The following RCAN2 variants were observed in gnomAD, a reference collection of about 807,000 sequenced individuals.
RCAN2 encodes the protein regulator of calcineurin 2.
A neutral mutation model predicts 23.6 loss-of-function variants in RCAN2; 9 were observed. The ratio of observed to expected loss-of-function variants is 0.38; its 90% CI spans 0.23 to 0.67. The LOEUF is 0.67. Among genes scored for constraint, RCAN2 ranks in the 30% least tolerant of loss-of-function variants. The pLI is 0.51. For missense variants in RCAN2, 273 were observed against 302.3 expected, an observed-to-expected ratio of 0.90 and a Z score of 0.72; for synonymous variants, 109 against 115.7, an observed-to-expected ratio of 0.94 and a Z score of 0.37.
rs933460498 is a variant in RCAN2 at position 46,254,596 on chromosome 6, T to C, written c.226-5700A>G. Among the ~76,000 whole-genome samples, 3 of 152,110 alleles carry C rather than the reference T, an allele frequency of 2.0e-5. No homozygotes were observed. The South Asian group carries it at 6.2e-4, about 32-fold the overall frequency. ...AAACCAGGGAGCTGGGCTAACTATGTGGGCAGTCACGGTCACAAGCAGATT... is the reference window on the plus strand; with the variant it reads ...AAACCAGGGAGCTGGGCTAACTATGCGGGCAGTCACGGTCACAAGCAGATT... On this transcript the variant is annotated intron_variant, in intron 2 of 4. Transcript: ENST00000371374.
chr6:46,434,710 C>T (rs926981635), intron 2 of RCAN2, among the ~76,000 whole-genome samples: 1 of 152,204 alleles, frequency 6.6e-6, no homozygotes. Flanking sequence ...CAACTCCTCT[C>T]ATCTGTAGTT....
At chr6:46,314,359 C>CAAAA (rs537111154) in intron 2 of RCAN2, among the ~76,000 whole-genome samples, 9 of 92,176 alleles carry the variant, frequency 9.8e-5, no homozygotes, top group African/African-American at 1.9e-4. Context: ...GAGACTCTGT[C>CAAAA]AAAAAAAAAA....
chr6:46,429,823 G>A (rs1163758503), intron 2 of RCAN2, among the ~76,000 whole-genome samples: 1 of 152,194 alleles, frequency 6.6e-6, no homozygotes, highest in African/African-American at 2.4e-5. Context: ...GTATCCCAGA[G>A]GAACTAACGA....
rs530090795 is a variant in RCAN2 at position 46,296,988 on chromosome 6, C to T, written c.226-48092G>A. 5.9e-5 allele frequency among the ~76,000 whole-genome samples: 9 copies of T among 152,238 alleles called. No homozygotes were observed. The East Asian group carries it at 1.2e-3, about 20-fold the overall frequency. On this transcript the variant is annotated intron_variant, in intron 2 of 4. Transcript: ENST00000371374. Reference sequence around the variant, plus strand: ...CCCAGACACATCCACCAAAAATACTCGAAATTACTTCTTCATTTTCTTTCC... The same window carrying T: ...CCCAGACACATCCACCAAAAATACTTGAAATTACTTCTTCATTTTCTTTCC...
At chr6:46,335,762 A>G (rs962970674) in intron 2 of RCAN2, among the ~76,000 whole-genome samples, 1 of 152,204 alleles carries the variant, frequency 6.6e-6, no homozygotes, top group Admixed American at 6.5e-5. Flanking sequence ...CCTGCTTAGA[A>G]AATCTGCATT....
chr6:46,356,169 C>T (rs910368987), intron 2 of RCAN2, among the ~76,000 whole-genome samples: 8 of 152,158 alleles, frequency 5.3e-5, no homozygotes, highest in East Asian at 3.9e-4. Context: ...AGAAGTGGAA[C>T]GCCTGGAAAA....
chr6:46,364,723 A>AGCAAAGGGT (rs1177974711), intron 2 of RCAN2, among the ~76,000 whole-genome samples: 1 of 152,204 alleles, frequency 6.6e-6, no homozygotes, highest in South Asian at 2.1e-4. Context: ...CTGGTACCCC[A>AGCAAAGGGT]GCAAAGGGTG....
intron 2 of RCAN2, among the ~76,000 whole-genome samples, chr6:46,259,520 C>T (rs545521230): frequency 2.6e-4 from 39 of 152,238 alleles, no homozygotes; most frequent in African/African-American, 7.7e-4. Flanking sequence ...AAAACCAAAA[C>T]ATTGGTTTTT....
intron 2 of RCAN2, among the ~76,000 whole-genome samples, chr6:46,268,864 G>T (rs1767431178): frequency 6.6e-6 from 1 of 152,140 alleles, no homozygotes; most frequent in Non-Finnish European, 1.5e-5. Flanking sequence ...TGGAAGGCAG[G>T]GGTCAGCAAA....
intron 1 of RCAN2, among the ~76,000 whole-genome samples, chr6:46,479,208 A>C (rs1197214242): frequency 6.6e-6 from 1 of 152,232 alleles, no homozygotes; most frequent in Admixed American, 6.5e-5. Flanking sequence ...TTGTAGAAAA[A>C]TTCAGTATGC....
At position 46,381,495 on chromosome 6, in the gene RCAN2, G is replaced by C. The variant is rs1377108105; in HGVS notation, c.225+75257C>G. Among the ~76,000 whole-genome samples the C allele has an allele frequency of 1.1e-4, 17 of 152,176 alleles. 1 individual carries two copies. Among genetic ancestry groups the C allele is most frequent in the Admixed American group, 1.1e-3 (17 of 15,278 alleles). On this transcript the variant is annotated intron_variant, in intron 2 of 4. Coordinates refer to ENST00000371374, the MANE Select transcript of RCAN2 (RefSeq NM_001251974.2). ...AGATGAGCTATATCGCCTTTTACAA[G>C]CCCAGGTAGGGAAGAGAAATATAAG...
chr6:46,385,543 TAACTC>T (rs1765718270), intron 2 of RCAN2, among the ~76,000 whole-genome samples: 1 of 151,994 alleles, frequency 6.6e-6, no homozygotes, highest in Admixed American at 6.6e-5. Flanking sequence ...ATACAAAAAT[TAACTC>T]AAGATGGATT....
chr6:46,399,235 T>G (rs1766178183), intron 2 of RCAN2, among the ~76,000 whole-genome samples: 2 of 152,074 alleles, frequency 1.3e-5, no homozygotes, highest in Non-Finnish European at 2.9e-5. Flanking sequence ...CCAAGATCGC[T>G]GATCTTTCTC....
intron 2 of RCAN2, among the ~76,000 whole-genome samples, chr6:46,444,238 G>A (rs1054629080): frequency 6.6e-6 from 1 of 152,126 alleles, no homozygotes; most frequent in Non-Finnish European, 1.5e-5. Context: ...CTGCTTTGTG[G>A]GCTAGGAGGC....
intron 2 of RCAN2, among the ~76,000 whole-genome samples, chr6:46,327,647 T>C (rs1368596801): frequency 2.6e-5 from 4 of 152,222 alleles, no homozygotes; most frequent in Middle Eastern, 3.2e-3. Context: ...AACAAAGAAA[T>C]GAATATTTTT....
intron 2 of RCAN2, among the ~76,000 whole-genome samples, chr6:46,249,879 C>A (rs574564659): frequency 6.6e-6 from 1 of 152,236 alleles, no homozygotes; most frequent in African/African-American, 2.4e-5. Context: ...CCGACTCCAA[C>A]CCCATTCTAT....
At chr6:46,288,715 A>G (rs1762447987) in intron 2 of RCAN2, among the ~76,000 whole-genome samples, 1 of 152,246 alleles carries the variant, frequency 6.6e-6, no homozygotes, top group African/African-American at 2.4e-5. Context: ...TGGCCTAGGA[A>G]GGCAACCTAT....
upstream of RCAN2, among the ~76,000 whole-genome samples, chr6:46,491,709 A>G (rs1482838610): frequency 6.7e-6 from 1 of 150,256 alleles, no homozygotes; most frequent in East Asian, 2.0e-4. Flanking sequence ...GCCTCCGGGC[A>G]CCTGGCGTGG....
chr6:46,489,587 A>G lies in RCAN2; in HGVS notation c.-3+1586T>C, dbSNP rs142088424. On this transcript the variant is annotated intron_variant, in intron 1 of 4. Transcript: ENST00000371374. ...GTTTTTAACACCGTGATGTGCACTT[A>G]CAAATGAGAAAGCTCTCGAGTTCCC... 4.6e-5 allele frequency among the ~76,000 whole-genome samples: 7 copies of G among 152,394 alleles called. No individual in the cohort carries two copies. The East Asian group carries it at 1.3e-3, about 29-fold the overall frequency.
Sources: gnomAD v4.1 joint callset for allele counts (sites outside exome capture counted in the v4.1 genomes callset) on GRCh38, gnomAD v4.1.1 for gene constraint, MANE v1.5 for transcripts, NCBI Gene and HGNC (gene_info 2026-07-23, HGNC 2026-07-21) for gene names.